PACSIN2: variants seen among roughly 807,000 people sequenced by gnomAD.
The protein encoded by PACSIN2 is protein kinase C and casein kinase substrate in neurons 2.
PACSIN2 carries 25 observed loss-of-function variants against 63.8 expected under a neutral mutation model. The ratio of observed to expected loss-of-function variants is 0.39; its 90% CI spans 0.29 to 0.55. The LOEUF is 0.55. Ranked by LOEUF, PACSIN2 falls within the 20% of genes least tolerant of loss-of-function variation. The probability of loss-of-function intolerance (pLI) is 0.62; values close to 1 mark genes in which losing one functional copy is unlikely to be tolerated. For missense variants in PACSIN2, 518 were observed against 646.9 expected (o/e 0.80, Z 2.16); for synonymous variants, 255 against 256.2 (o/e 1.00, Z 0.05).
At chr22:42,972,972 C>T (rs1422167247) in intron 1 of PACSIN2, among the ~76,000 whole-genome samples, 1 of 152,174 alleles carries the variant, frequency 6.6e-6, no homozygotes, top group Non-Finnish European at 1.5e-5. Context: ...TTTCTAATTA[C>T]GAACAGCATG....
intron 1 of PACSIN2, among the ~76,000 whole-genome samples, chr22:42,996,552 A>AT (rs1491557571): frequency 2.1e-4 from 26 of 122,000 alleles, no homozygotes; most frequent in African/African-American, 8.2e-4. Flanking sequence ...AAAAAAAAAA[A>AT]TTGGCCAGGT....
intron 1 of PACSIN2, among the ~76,000 whole-genome samples, chr22:42,915,043 T>A (rs1049043211): frequency 6.6e-6 from 1 of 151,862 alleles, no homozygotes; most frequent in Admixed American, 6.6e-5. Flanking sequence ...AAAAAAAAAA[T>A]TTATGTGTGG....
intron 2 of PACSIN2, among the ~76,000 whole-genome samples, chr22:42,903,494 G>A (rs1235764849): frequency 6.6e-6 from 1 of 152,180 alleles, no homozygotes; most frequent in African/African-American, 2.4e-5. Flanking sequence ...GCTTTCAGGT[G>A]CCAAACTGCA....
intron 1 of PACSIN2, among the ~76,000 whole-genome samples, chr22:42,932,863 CCT>C (rs1932810274): frequency 6.6e-6 from 1 of 152,176 alleles, no homozygotes; most frequent in Non-Finnish European, 1.5e-5. Flanking sequence ...AGGACACCCC[CCT>C]GTCCACATGC....
intron 1 of PACSIN2, among the ~76,000 whole-genome samples, chr22:42,952,716 G>A (rs978662802): frequency 1.2e-4 from 18 of 151,488 alleles, no homozygotes; most frequent in Non-Finnish European, 2.2e-4. Context: ...CGGCTGGAGT[G>A]CAGTGGAGCG....
chr22:42,871,505 T>G lies in PACSIN2; in HGVS notation c.1349-36A>C. The G allele has an allele frequency of 6.7e-7, 1 of 1,488,406 alleles. No individual in the cohort carries two copies. Among genetic ancestry groups the G allele is most frequent in the Non-Finnish European group, 9.4e-7 (1 of 1,064,976 alleles). 92.2% of individuals were successfully genotyped at this position (1,488,406 alleles called of 1,614,324 possible). A position where few individuals can be genotyped will look rare whatever the true frequency, so the allele number is the denominator to read the frequency against. On this transcript the variant is annotated intron_variant, in intron 10 of 10. Transcript: ENST00000263246. The surrounding 1 kb of genome is among the most constrained non-coding windows in gnomAD (Gnocchi z 5.4). ...AAGAGGGAGCCGTCTCCATGAGAGG[T>G]ATGACACCGACGGTGGGCTACAGAG... is the stretch of plus-strand genomic sequence containing the variant.
intron 1 of PACSIN2, among the ~76,000 whole-genome samples, chr22:42,917,485 C>T (rs925954653): frequency 3.3e-5 from 5 of 152,008 alleles, no homozygotes; most frequent in East Asian, 1.9e-4. Context: ...CATGGTGGCA[C>T]GCACCTGTGG....
intron 1 of PACSIN2, among the ~76,000 whole-genome samples, chr22:42,952,183 C>T (rs1438430385): frequency 6.6e-6 from 1 of 152,160 alleles, no homozygotes; most frequent in Non-Finnish European, 1.5e-5. Flanking sequence ...GTGTTCCTAC[C>T]ACTGATACGT....
intron 9 of PACSIN2, 50 bp downstream of exon 9, chr22:42,876,838 G>A (rs2146632343): frequency 1.3e-6 from 2 of 1,599,304 alleles, no homozygotes; most frequent in East Asian, 2.2e-5. Flanking sequence ...GAGAGAGGAA[G>A]AGAGACAGAG....
chr22:42,876,407 G>T (rs545701568), intron 9 of PACSIN2, 74 bp from the exon 10 acceptor site: 4 of 1,290,266 alleles, frequency 3.1e-6, no homozygotes, highest in Non-Finnish European at 4.4e-6. Context: ...CCCGCAAGGG[G>T]AGGGCACTGG....
At chr22:42,977,611 G>A (rs115595172) in intron 1 of PACSIN2, among the ~76,000 whole-genome samples, 1 of 152,202 alleles carries the variant, frequency 6.6e-6, no homozygotes, top group Non-Finnish European at 1.5e-5. Context: ...GATATGGTTA[G>A]GCTCTGTGTC....
At chr22:42,968,165 CACAA>C (rs1277201385) in intron 1 of PACSIN2, among the ~76,000 whole-genome samples, 2 of 152,180 alleles carry the variant, frequency 1.3e-5, no homozygotes, top group African/African-American at 4.8e-5. Context: ...CCTGGACCTC[CACAA>C]ACAGCGTGAC....
intron 1 of PACSIN2, among the ~76,000 whole-genome samples, chr22:42,984,908 T>C (rs546767907): frequency 6.6e-6 from 1 of 152,266 alleles, no homozygotes; most frequent in East Asian, 1.9e-4. Flanking sequence ...AAAACAAAAG[T>C]AGGCCCCACC....
intron 1 of PACSIN2, among the ~76,000 whole-genome samples, chr22:42,960,334 T>C (rs1372449958): frequency 6.6e-6 from 1 of 152,158 alleles, no homozygotes; most frequent in Non-Finnish European, 1.5e-5. Context: ...TCAACTTCCT[T>C]CTGTGACTAC....
intron 2 of PACSIN2, among the ~76,000 whole-genome samples, chr22:42,905,304 G>T (rs777549427): frequency 2.6e-5 from 4 of 152,236 alleles, no homozygotes; most frequent in Non-Finnish European, 4.4e-5. Context: ...TCCTGTCTCC[G>T]CGTGTGCGAT....
intron 8 of PACSIN2, 111 bp downstream of exon 8, chr22:42,878,937 G>A: frequency 7.8e-7 from 1 of 1,277,312 alleles, no homozygotes; most frequent in South Asian, 1.6e-5. Context: ...CAGAGCTCAG[G>A]AGCCCAGGAA....
intron 1 of PACSIN2, among the ~76,000 whole-genome samples, chr22:42,938,458 T>C (rs1187269659): frequency 6.6e-6 from 1 of 152,114 alleles, no homozygotes; most frequent in African/African-American, 2.4e-5. Context: ...CCCATGACCT[T>C]AGAGGAAAGG....
At chr22:42,882,042 A>G (rs1283985511) in intron 7 of PACSIN2, 142 bp downstream of exon 7, 3 of 965,446 alleles carry the variant, frequency 3.1e-6, no homozygotes, top group Non-Finnish European at 4.8e-6. Context: ...CTTGGTCTGT[A>G]CTATAGCTAT....
At chr22:42,883,821 T>G (rs964874748) in intron 6 of PACSIN2, among the ~76,000 whole-genome samples, 1 of 152,136 alleles carries the variant, frequency 6.6e-6, no homozygotes, top group Non-Finnish European at 1.5e-5. Context: ...CTGGACAACA[T>G]GGTGAAACCC....
Sources: allele counts gnomAD v4.1 joint callset (sites outside exome capture counted in the v4.1 genomes callset), GRCh38; gene constraint gnomAD v4.1.1; non-coding constraint Gnocchi (gnomAD v3.1); transcripts MANE v1.5; gene names NCBI Gene and HGNC (gene_info 2026-07-23, HGNC 2026-07-21).